The following PLXNA4 variants were observed in gnomAD, a reference collection of about 807,000 sequenced individuals.
PLXNA4 encodes the protein plexin A4, also known as plexin-A4.
PLXNA4 carries 44 observed loss-of-function variants against 191.8 expected under a neutral mutation model. The ratio of observed to expected loss-of-function variants is 0.23; its 90% CI spans 0.18 to 0.29. PLXNA4 has a LOEUF of 0.29. PLXNA4 is among the 10% of genes least tolerant of loss of function. PLXNA4 has a pLI of 1.00. For missense variants in PLXNA4, 1,800 were observed against 2,488.8 expected (o/e 0.72, Z 5.89); for synonymous variants, 1,082 against 1,009.5 (o/e 1.07, Z -1.36).
intron 3 of PLXNA4, among the ~76,000 whole-genome samples, chr7:132,471,879 G>A (rs569108429): frequency 6.6e-6 from 1 of 152,294 alleles, no homozygotes; most frequent in Non-Finnish European, 1.5e-5. Flanking sequence ...CTGGAACCAG[G>A]TATGCTTTCT....
intron 2 of PLXNA4, among the ~76,000 whole-genome samples, chr7:132,591,639 AT>A (rs1015588856): frequency 6.6e-6 from 1 of 152,236 alleles, no homozygotes; most frequent in Non-Finnish European, 1.5e-5. Context: ...TCCAGATTTT[AT>A]TTGTATGCTT....
chr7:132,527,418 T>C (rs939737852), intron 1 of PLXNA4, among the ~76,000 whole-genome samples: 2 of 151,686 alleles, frequency 1.3e-5, no homozygotes, highest in Admixed American at 1.3e-4. Flanking sequence ...ACCATCCCCA[T>C]TGAGCAGATG....
In PLXNA4 at chr7:132,198,544, A is replaced by G. The variant is rs766421941; in HGVS notation, c.2679T>C (p.His893=). 1.9e-6 allele frequency: 3 copies of G among 1,614,238 alleles called. No individual in the cohort carries two copies. Among genetic ancestry groups the G allele is most frequent in the East Asian group, 4.5e-5 (2 of 44,880 alleles). The change falls in exon 13 of 32, where the codon CAT becomes CAC. Residue 893 remains histidine (H), a synonymous_variant. Transcript: ENST00000321063. The stretch of plus-strand genomic sequence containing the variant: ...TGCACTCCACGCCAGCAACCTTGAC[A>G]TGGGAGGCGATGTCGCGAAATTCCA... The part of the protein sequence containing the change: ...LGLEFRDIAS[H]VKVAGVECSP...
chr7:132,363,599 T>C (rs1261391917), intron 3 of PLXNA4, among the ~76,000 whole-genome samples: 1 of 152,262 alleles, frequency 6.6e-6, no homozygotes, highest in Non-Finnish European at 1.5e-5. Context: ...CATCTGTTGA[T>C]GGACATTTGG....
At chr7:132,184,315 C>T (rs1796806991) in intron 16 of PLXNA4, among the ~76,000 whole-genome samples, 1 of 152,214 alleles carries the variant, frequency 6.6e-6, no homozygotes, top group African/African-American at 2.4e-5. Flanking sequence ...GGGACTCTGG[C>T]CCCAGGCAGG....
intron 3 of PLXNA4, among the ~76,000 whole-genome samples, chr7:132,337,719 T>C (rs543970602): frequency 5.9e-5 from 9 of 152,314 alleles, no homozygotes; most frequent in South Asian, 4.1e-4. Flanking sequence ...AACCAGACCA[T>C]GTTCAAAAAA....
intron 4 of PLXNA4, among the ~76,000 whole-genome samples, chr7:132,270,070 G>T (rs916405438): frequency 1.3e-5 from 2 of 152,086 alleles, no homozygotes; most frequent in African/African-American, 4.8e-5. Context: ...ATGCTTACTT[G>T]GAGAGAAACC....
At chr7:132,555,602 C>A (rs1800769015) in intron 1 of PLXNA4, among the ~76,000 whole-genome samples, 1 of 152,208 alleles carries the variant, frequency 6.6e-6, no homozygotes, top group African/African-American at 2.4e-5. Flanking sequence ...ATTGTTAGAG[C>A]AGTCCCTTAT....
rs563322832 is a variant in PLXNA4, at chr7:132,630,612, C to T, written c.-87+15316G>A. ...CTGCAAGTTCCACCGCCCAGGTTCA[C>T]GCCATTCTCCTGCCTCAGCCTCCCA... On this transcript the variant is annotated intron_variant, in intron 2 of 4. Coordinates refer to the PLXNA4 transcript ENST00000378539. Among the ~76,000 whole-genome samples the T allele has an allele frequency of 3.9e-5, 6 of 151,958 alleles. No homozygotes were observed. In the South Asian group the frequency reaches 8.3e-4, roughly 21 times the overall value.
At chr7:132,491,876 G>T (rs1229430662) in intron 2 of PLXNA4, among the ~76,000 whole-genome samples, 1 of 152,196 alleles carries the variant, frequency 6.6e-6, no homozygotes, top group Middle Eastern at 3.2e-3. Flanking sequence ...TTAAAGGGAG[G>T]AGTAGAAGAA....
chr7:132,561,261 C>T (rs1801026416), intron 1 of PLXNA4, among the ~76,000 whole-genome samples: 1 of 152,018 alleles, frequency 6.6e-6, no homozygotes, highest in Non-Finnish European at 1.5e-5. Context: ...TCCTCTAAAA[C>T]TCAACTGGAT....
At chr7:132,472,170 T>C (rs1364493344) in intron 3 of PLXNA4, among the ~76,000 whole-genome samples, 1 of 152,240 alleles carries the variant, frequency 6.6e-6, no homozygotes, top group Non-Finnish European at 1.5e-5. Context: ...TACTTGCTTT[T>C]TGATCATGAA....
chr7:132,633,285 T>C (rs1244513893), intron 2 of PLXNA4, among the ~76,000 whole-genome samples: 1 of 139,472 alleles, frequency 7.2e-6, no homozygotes, highest in Non-Finnish European at 1.5e-5. Flanking sequence ...GGTTCTCATT[T>C]TTTTTTTTTT....
At chr7:132,142,364 TCTCA>T (rs1795295513) in intron 29 of PLXNA4, among the ~76,000 whole-genome samples, 1 of 152,222 alleles carries the variant, frequency 6.6e-6, no homozygotes, top group Non-Finnish European at 1.5e-5. Flanking sequence ...TGGTGGTTGT[TCTCA>T]CTGATGGTAA....
chr7:132,465,486 T>G (rs1157068089), intron 3 of PLXNA4, among the ~76,000 whole-genome samples: 1 of 152,226 alleles, frequency 6.6e-6, no homozygotes, highest in Non-Finnish European at 1.5e-5. Context: ...CTTACCTTGG[T>G]CCTTGGATTG....
At position 132,140,601 on chromosome 7, in the gene PLXNA4, C is replaced by T. The variant is rs773814257; in HGVS notation, c.5436G>A (p.Glu1812=). 1.2e-6 allele frequency: 2 copies of T among 1,613,746 alleles called. No individual in the cohort carries two copies. Among genetic ancestry groups the T allele is most frequent in the Non-Finnish European group, 1.7e-6 (2 of 1,180,004 alleles). Residue 1812 remains glutamate (E), a splice_region_variant and synonymous_variant, in exon 30 of 32, where the codon GAG becomes GAA. Transcript: ENST00000321063. ...TGGCTCCGTGGCCCAGCACTCACCT[C>T]TCCACCCAATTCTTGTAGCTGGGGA... ...KDIPSYKNWV[E]RYYSDIGKMP...
At chr7:132,400,239 C>G (rs1793931520) in intron 3 of PLXNA4, among the ~76,000 whole-genome samples, 1 of 152,150 alleles carries the variant, frequency 6.6e-6, no homozygotes, top group Non-Finnish European at 1.5e-5. Flanking sequence ...AATTAACATC[C>G]TCAGATTAAG....
At chr7:132,478,621 T>C (rs1311232763) in intron 3 of PLXNA4, among the ~76,000 whole-genome samples, 1 of 152,202 alleles carries the variant, frequency 6.6e-6, no homozygotes, top group African/African-American at 2.4e-5. Flanking sequence ...ACGATGTATA[T>C]AAGGCACCCA....
chr7:132,173,895 A>G (rs1189143040), intron 21 of PLXNA4, among the ~76,000 whole-genome samples: 2 of 152,184 alleles, frequency 1.3e-5, no homozygotes, highest in Non-Finnish European at 2.9e-5. Context: ...AAGACACTGA[A>G]GTCTAAATGC....
Sources: allele counts gnomAD v4.1 joint callset (sites outside exome capture counted in the v4.1 genomes callset), GRCh38; gene constraint gnomAD v4.1.1; transcripts MANE v1.5; gene names NCBI Gene and HGNC (gene_info 2026-07-23, HGNC 2026-07-21).